ARB2A: variants seen among roughly 807,000 people sequenced by gnomAD.
ARB2A encodes the protein cotranscriptional regulator ARB2A.
At chr5:93,824,195 C>T in the ARB2A span, 14 of 1,596,170 alleles carry the variant, frequency 8.8e-6, no homozygotes, top group Non-Finnish European at 1.2e-5. Context: ...ACGAAAAACA[C>T]ATTCTCAGCA....
At chr5:93,934,748 C>T in the ARB2A span, among the ~76,000 whole-genome samples, 2 of 152,216 alleles carry the variant, frequency 1.3e-5, no homozygotes, top group African/African-American at 4.8e-5. Flanking sequence ...AGGAGAAAGC[C>T]AACATGTCAA....
At chr5:93,934,194 T>C in the ARB2A span, among the ~76,000 whole-genome samples, 4 of 152,160 alleles carry the variant, frequency 2.6e-5, no homozygotes, top group South Asian at 2.1e-4. Flanking sequence ...ACCATGTACA[T>C]GGTTGAAAAA....
chr5:94,027,568 A>C, the ARB2A span, among the ~76,000 whole-genome samples: 1 of 152,218 alleles, frequency 6.6e-6, no homozygotes, highest in Non-Finnish European at 1.5e-5. Flanking sequence ...GCTTCTGAAT[A>C]GTTAAACACA....
the ARB2A span, among the ~76,000 whole-genome samples, chr5:93,856,502 A>G: frequency 1.3e-5 from 2 of 151,818 alleles, no homozygotes; most frequent in South Asian, 4.2e-4. Flanking sequence ...TTTTTCTCTA[A>G]ACTTCCCTTC....
the ARB2A span, among the ~76,000 whole-genome samples, chr5:93,674,081 G>T: frequency 6.6e-6 from 1 of 152,224 alleles, no homozygotes; most frequent in East Asian, 1.9e-4. Flanking sequence ...GTTATAATCA[G>T]ACAAGACATA....
the ARB2A span, among the ~76,000 whole-genome samples, chr5:93,657,672 G>A: frequency 6.6e-6 from 1 of 152,150 alleles, no homozygotes; most frequent in Non-Finnish European, 1.5e-5. Flanking sequence ...TCCTTGAGGA[G>A]ATTACAGTAC....
At chr5:94,033,022 T>C in the ARB2A span, among the ~76,000 whole-genome samples, 4 of 152,106 alleles carry the variant, frequency 2.6e-5, no homozygotes, top group Non-Finnish European at 4.4e-5. Flanking sequence ...TGAAATCTGA[T>C]GGTTTTAGAA....
chr5:93,912,164 T>C, the ARB2A span, among the ~76,000 whole-genome samples: 5 of 151,692 alleles, frequency 3.3e-5, no homozygotes, highest in South Asian at 1.0e-3. Flanking sequence ...ATTTGATGAG[T>C]CAGTTGGAAT....
chr5:93,695,733 C>T, the ARB2A span, among the ~76,000 whole-genome samples: 1 of 152,148 alleles, frequency 6.6e-6, no homozygotes, highest in Admixed American at 6.5e-5. Flanking sequence ...GACATATGCA[C>T]ATGTATGTTT....
chr5:93,810,725 C>T, the ARB2A span, among the ~76,000 whole-genome samples: 9 of 152,076 alleles, frequency 5.9e-5, no homozygotes, highest in South Asian at 1.7e-3. Context: ...TATTTAATGA[C>T]CAAATGTACA....
chr5:94,011,775 C>T, the ARB2A span, among the ~76,000 whole-genome samples: 5 of 150,196 alleles, frequency 3.3e-5, no homozygotes, highest in African/African-American at 1.2e-4. Context: ...TAGTCCAGAG[C>T]AGAAAGAGAC....
At chr5:94,099,020 T>C in the ARB2A span, among the ~76,000 whole-genome samples, 7 of 152,048 alleles carry the variant, frequency 4.6e-5, no homozygotes, top group Admixed American at 2.6e-4. Context: ...CAGGACCTGA[T>C]GGAGACACAG....
At chr5:93,902,851 C>T in the ARB2A span, among the ~76,000 whole-genome samples, 1 of 152,074 alleles carries the variant, frequency 6.6e-6, no homozygotes, top group Admixed American at 6.6e-5. Context: ...ATATCAGTTT[C>T]ACCACCTGCC....
At chr5:93,853,377 T>C in the ARB2A span, among the ~76,000 whole-genome samples, 24,953 of 152,056 alleles carry the variant, frequency 0.16, 2,510 homozygotes, top group Non-Finnish European at 0.23. Context: ...TGGAGTTTTC[T>C]AGATATACAA....
the ARB2A span, among the ~76,000 whole-genome samples, chr5:93,856,243 T>C: frequency 1.3e-5 from 2 of 152,254 alleles, no homozygotes; most frequent in African/African-American, 4.8e-5. Context: ...CTTTGGTGAA[T>C]CTGATAATTA....
chr5:93,852,555 C>G, the ARB2A span, among the ~76,000 whole-genome samples: 1 of 151,610 alleles, frequency 6.6e-6, no homozygotes, highest in African/African-American at 2.4e-5. Context: ...ATGGTAATGC[C>G]TAGGTTTTCT....
the ARB2A span, among the ~76,000 whole-genome samples, chr5:93,770,792 T>G: frequency 3.9e-5 from 6 of 152,056 alleles, no homozygotes; most frequent in Admixed American, 6.5e-5. Context: ...CACTGCTCAA[T>G]GAAATAAAAG....
the ARB2A span, among the ~76,000 whole-genome samples, chr5:93,949,525 C>A: frequency 6.6e-6 from 1 of 152,064 alleles, no homozygotes; most frequent in Admixed American, 6.5e-5. Context: ...CACGCCACTG[C>A]ACTCCCGCCT....
At chr5:93,904,615 G>T in the ARB2A span, among the ~76,000 whole-genome samples, 2 of 151,606 alleles carry the variant, frequency 1.3e-5, no homozygotes, top group Admixed American at 1.3e-4. Context: ...GTATAGTGTG[G>T]ACATTTACAA....
Sources: allele counts gnomAD v4.1 joint callset (sites outside exome capture counted in the v4.1 genomes callset), GRCh38; gene constraint gnomAD v4.1.1; transcripts MANE v1.5; gene names NCBI Gene and HGNC (gene_info 2026-07-23, HGNC 2026-07-21).